ZNF541: variants seen among roughly 807,000 people sequenced by gnomAD.
ZNF541 encodes zinc finger protein 541.
A neutral mutation model predicts 123.5 loss-of-function variants in ZNF541; 23 were observed. The observed-to-expected ratio is 0.19, with a 90% CI of 0.13 to 0.26. ZNF541 has a LOEUF of 0.26. Among genes scored for constraint, ZNF541 ranks in the 10% least tolerant of loss-of-function variants. The pLI is 1.00. For missense variants in ZNF541, 1,612 were observed against 1,789.9 expected, an observed-to-expected ratio of 0.90 and a Z score of 1.79; for synonymous variants, 751 against 754.5, an observed-to-expected ratio of 1.00 and a Z score of 0.08.
chr19:47,569,812 G>A (rs945859956), intron 2 of ZNF541, among the ~76,000 whole-genome samples: 4 of 151,990 alleles, frequency 2.6e-5, no homozygotes, highest in African/African-American at 9.7e-5. Flanking sequence ...TTGGGAGGTC[G>A]AGGCTCCAGT....
In ZNF541 at chr19:47,549,447, C is replaced by T. The variant is rs868472215; in HGVS notation, c.346G>A (p.Glu116Lys). The change falls in exon 4 of 17, where the codon GAA (glutamate) becomes AAA (lysine). Residue 116 changes from glutamate to lysine, a missense_variant. Physicochemically the swap from Glu to Lys is moderately conservative, Grantham distance 56 (BLOSUM62 1). Around this residue, in one of 5 missense-constraint regions of ZNF541, gnomAD observed 212 missense variants for 289.6 expected, o/e 0.73. Coordinates refer to ENST00000391901, the MANE Select transcript of ZNF541 (RefSeq NM_001277075.3). Reference sequence around the variant, plus strand: ...CTCCCCGAGGTGGCCCTTCCTCCTTCGTCAGCCTCTTTAGCCTTAAGCACA... The same window carrying T: ...CTCCCCGAGGTGGCCCTTCCTCCTTTGTCAGCCTCTTTAGCCTTAAGCACA... ...LGVLKAKEAD[E>K]GGRATSGSAR... 3 of 1,551,716 alleles carry T rather than the reference C, an allele frequency of 1.9e-6. No individual in the cohort carries two copies. The highest frequency in any genetic ancestry group is 2.6e-6 in the Non-Finnish European group (3 of 1,147,002).
intron 2 of ZNF541, among the ~76,000 whole-genome samples, chr19:47,556,723 A>G (rs909146193): frequency 6.6e-6 from 1 of 150,920 alleles, no homozygotes; most frequent in African/African-American, 2.4e-5. Flanking sequence ...ACGTTTCTAT[A>G]TAGATTAAAT....
At chr19:47,542,538 G>T (rs1267606703) in intron 5 of ZNF541, among the ~76,000 whole-genome samples, 1 of 152,074 alleles carries the variant, frequency 6.6e-6, no homozygotes, top group Non-Finnish European at 1.5e-5. Context: ...TGTAATCCCA[G>T]CTACTTGGAA....
intron 3 of ZNF541, among the ~76,000 whole-genome samples, chr19:47,552,251 A>C (rs1446917218): frequency 6.6e-6 from 1 of 152,168 alleles, no homozygotes; most frequent in African/African-American, 2.4e-5. Flanking sequence ...GAAGAGCAGG[A>C]GGTTGCTCTA....
At chr19:47,565,476 T>C (rs1343626354) in intron 2 of ZNF541, among the ~76,000 whole-genome samples, 1 of 151,968 alleles carries the variant, frequency 6.6e-6, no homozygotes, top group African/African-American at 2.4e-5. Context: ...AAGAAGAGGA[T>C]GGAGGGGGAT....
chr19:47,533,145 G>T (rs1242641189), intron 9 of ZNF541, among the ~76,000 whole-genome samples, 173 bp from the exon 10 acceptor site: 2 of 151,738 alleles, frequency 1.3e-5, no homozygotes, highest in African/African-American at 4.8e-5. Context: ...GAGGTGGGAG[G>T]ATCACGAGGT....
At chr19:47,530,335 A>ATTTTTTTTTT (rs10586987) in intron 12 of ZNF541, among the ~76,000 whole-genome samples, 6 of 131,896 alleles carry the variant, frequency 4.5e-5, no homozygotes, top group Non-Finnish European at 6.4e-5. Context: ...CTCCCTGCTA[A>ATTTTTTTTTT]TTTTTTTTTT....
Position 47,544,452 on chromosome 19 carries a change from A to C in ZNF541, c.2077T>G (p.Phe693Val), listed in dbSNP as rs1376027047. ...GTCTGCCGTTGGCCTGTGGAGGGGAAGATGTCCTCCAGGTCCAAGGTCCCT... is the reference window on the plus strand; with the variant it reads ...GTCTGCCGTTGGCCTGTGGAGGGGACGATGTCCTCCAGGTCCAAGGTCCCT... ...SKGTLDLEDI[F>V]PSTGQRQTQL... The change falls in exon 5 of 17, where the codon TTC becomes GTC. Residue 693 changes from phenylalanine to valine, a missense_variant. Physicochemically the swap from Phe to Val is conservative, Grantham distance 50 (BLOSUM62 -1). Around this residue, in one of 5 missense-constraint regions of ZNF541, gnomAD observed 1,080 missense variants for 1,013.8 expected, o/e 1.07. Coordinates refer to ENST00000391901, the MANE Select transcript of ZNF541 (RefSeq NM_001277075.3). 2.6e-6 allele frequency: 4 copies of C among 1,551,516 alleles called. No homozygotes were observed. The highest frequency in any genetic ancestry group is 3.5e-6 in the Non-Finnish European group (4 of 1,146,992).
rs372271348 is a variant in ZNF541, at chr19:47,544,357, C to A, written c.2172G>T (p.Ala724=). The part of the protein sequence containing the change: ...PGKQAPAENG[A]ASRITKGEKG... ...TTTCACCTTTTGTGATCCTTGAAGC[C>A]GCGCCATTCTCGGCTGGGGCCTGCT... Residue 724 remains alanine, a synonymous_variant, in exon 5 of 17, where the codon GCG becomes GCT. Coordinates refer to ENST00000391901, the MANE Select transcript of ZNF541 (RefSeq NM_001277075.3). The A allele has an allele frequency of 6.4e-7, 1 of 1,551,528 alleles. No homozygotes were observed. The highest frequency in any genetic ancestry group is 1.4e-5 in the African/African-American group (1 of 73,060).
intron 11 of ZNF541, 97 bp from the exon 12 acceptor site, chr19:47,531,842 T>A (rs1969587115): frequency 9.1e-7 from 1 of 1,097,366 alleles, no homozygotes; most frequent in Non-Finnish European, 1.3e-6. Flanking sequence ...GGGGGTGCCT[T>A]CCCCTTCTCT....
intron 14 of ZNF541, among the ~76,000 whole-genome samples, chr19:47,528,019 G>A (rs1243145906): frequency 3.9e-5 from 2 of 51,316 alleles, no homozygotes; most frequent in Non-Finnish European, 7.5e-5. Context: ...TTTTTTTTTT[G>A]AGACAGAGTC....
In ZNF541 at chr19:47,571,936, C is replaced by A. The variant is rs1971491454; in HGVS notation, c.-139G>T. 6.6e-6 allele frequency among the ~76,000 whole-genome samples: 1 copy of A among 152,106 alleles called. No homozygotes were observed. Among genetic ancestry groups the A allele is most frequent in the Non-Finnish European group, 1.5e-5 (1 of 68,026 alleles). On this transcript the variant is annotated 5_prime_UTR_variant, in exon 2 of 17. Coordinates refer to ENST00000391901, the MANE Select transcript of ZNF541 (RefSeq NM_001277075.3). ...GTGAATCTCCAGGGAACAGGAGGAC[C>A]CAGTTTAGGCCCCACAGGGAGGGGG...
In ZNF541 at chr19:47,544,653, G is replaced by A; in HGVS notation, c.1876C>T (p.Arg626Cys). ...ACCCCGGGTGTGGTTTTTCTCCTGC[G>A]GGCTGGGGAGCCCTCTGCCTCGGGG... is the stretch of plus-strand genomic sequence containing the variant. ...GNPEAEGSPA[R>C]RRKTTPGVPR... The change falls in exon 5 of 17, where the codon CGC becomes TGC. Residue 626 changes from arginine (R) to cysteine (C), a missense_variant. By Grantham distance (180) the Arg-to-Cys change is radical. Transcript: ENST00000391901. 2 of 1,543,840 alleles carry A rather than the reference G, an allele frequency of 1.3e-6. No homozygotes were observed. Among genetic ancestry groups the A allele is most frequent in the Non-Finnish European group, 8.7e-7 (1 of 1,144,660 alleles).
chr19:47,556,911 C>T (rs1033810732), intron 2 of ZNF541, among the ~76,000 whole-genome samples: 1 of 151,662 alleles, frequency 6.6e-6, no homozygotes, highest in Admixed American at 6.6e-5. Flanking sequence ...GTGCACGCCA[C>T]CACACCTGGC....
chr19:47,545,724 G>T lies in ZNF541; in HGVS notation c.805C>A (p.Leu269Met). 6.5e-7 allele frequency: 1 copy of T among 1,546,198 alleles called. No homozygotes were observed. ...PPEARSPGSLLPHRDLLRRIV... is the reference protein window; with the variant it reads ...PPEARSPGSLMPHRDLLRRIV... The stretch of plus-strand genomic sequence containing the variant: ...CGGCGCAGGAGGTCCCGGTGGGGCA[G>T]GAGGGAGCCGGGGGACCTGGCCTCT... The change falls in exon 5 of 17, where the codon CTG (leucine) becomes ATG (methionine). Residue 269 changes from leucine (L) to methionine (M), a missense_variant. Transcript: ENST00000391901. The surrounding 1 kb of genome is among the most constrained non-coding windows in gnomAD (Gnocchi z 7.5).
intron 6 of ZNF541, 64 bp downstream of exon 6, chr19:47,540,829 C>T (rs550858672): frequency 2.9e-5 from 43 of 1,495,694 alleles, no homozygotes; most frequent in Non-Finnish European, 3.4e-5. Context: ...TGTCCAGGGC[C>T]GGCACAGGAA....
Position 47,521,665 on chromosome 19 carries a change from A to C in ZNF541, c.3712-11T>G. On this transcript the variant is annotated splice_polypyrimidine_tract_variant and intron_variant, in intron 15 of 16. Coordinates refer to ENST00000391901, the MANE Select transcript of ZNF541 (RefSeq NM_001277075.3). This position sits in a 1 kb window ranked among gnomAD's most constrained non-coding sequence, Gnocchi z 4.2. ...AGGGCTGCATGGGACCTGCAGAGGG[A>C]GCAAAAGTGACATAAGGGTGCTGAC... is the stretch of plus-strand genomic sequence containing the variant. The C allele has an allele frequency of 6.4e-7, 1 of 1,551,118 alleles. No individual in the cohort carries two copies. Among genetic ancestry groups the C allele is most frequent in the South Asian group, 1.2e-5 (1 of 83,994 alleles).
At position 47,521,737 on chromosome 19, in the gene ZNF541, C is replaced by T; in HGVS notation, c.3712-83G>A. The T allele has an allele frequency of 2.6e-6, 4 of 1,521,278 alleles. No homozygotes were observed. Among genetic ancestry groups the T allele is most frequent in the Non-Finnish European group, 3.5e-6 (4 of 1,129,146 alleles). The allele number at this position is 1,521,278 out of a possible 1,614,324, so 94.2% of individuals were successfully genotyped here. On this transcript the variant is annotated intron_variant, in intron 15 of 16. Transcript: ENST00000391901. The surrounding 1 kb of genome is among the most constrained non-coding windows in gnomAD (Gnocchi z 4.2). Reference sequence around the variant, plus strand: ...ACAGAGCTGGGGGCATACGTGTCTCCTGCAGGAAAACCCTTCCATCAGGAG... The same window carrying T: ...ACAGAGCTGGGGGCATACGTGTCTCTTGCAGGAAAACCCTTCCATCAGGAG...
intron 3 of ZNF541, among the ~76,000 whole-genome samples, chr19:47,550,548 T>A (rs1238232782): frequency 2.0e-5 from 3 of 152,228 alleles, no homozygotes; most frequent in Non-Finnish European, 4.4e-5. Flanking sequence ...ATCCCTTGGA[T>A]AAAATGATAA....
Sources: allele counts gnomAD v4.1 joint callset (sites outside exome capture counted in the v4.1 genomes callset), GRCh38; gene constraint gnomAD v4.1.1; regional missense constraint gnomAD v4.1.1; non-coding constraint Gnocchi (gnomAD v3.1); transcripts MANE v1.5; gene names NCBI Gene and HGNC (gene_info 2026-07-23, HGNC 2026-07-21).